Variants in TBC1D8 observed in about 807,000 individuals in gnomAD.
TBC1D8 encodes TBC1 domain family member 8.
TBC1D8 carries 65 observed loss-of-function variants against 118.8 expected under a neutral mutation model. That is an observed-to-expected ratio of 0.55 (90% CI 0.45 to 0.67). The LOEUF (loss-of-function observed/expected upper bound fraction) is 0.67. Among genes scored for constraint, TBC1D8 ranks in the 30% least tolerant of loss-of-function variants. TBC1D8 has a pLI of 0.00. For synonymous variants in TBC1D8, 566 were observed against 595.8 expected (o/e 0.95, Z 0.73); for missense variants, 1,376 against 1,471.2 (o/e 0.94, Z 1.06).
At position 101,090,164 on chromosome 2, in the gene TBC1D8, C is replaced by T. The variant is rs559661838; in HGVS notation, c.283+45G>A. 13 of 1,576,794 alleles carry T rather than the reference C, an allele frequency of 8.2e-6. No homozygotes were observed. In the African/African-American group the frequency reaches 1.4e-4, roughly 16 times the overall value. ...CACCAACATGCAGATACTCAGCATG[C>T]TTACACCTTAAGGTTTGGAACATTC... On this transcript the variant is annotated intron_variant, in intron 2 of 19. Transcript: ENST00000409318.
chr2:101,056,240 G>C (rs1313951380), intron 3 of TBC1D8, among the ~76,000 whole-genome samples: 3 of 146,956 alleles, frequency 2.0e-5, no homozygotes, highest in African/African-American at 7.6e-5. Context: ...GTCTCGCTCT[G>C]TCGCCCAGGC....
intron 1 of TBC1D8, among the ~76,000 whole-genome samples, chr2:101,104,343 G>A (rs995262199): frequency 4.6e-5 from 7 of 152,110 alleles, no homozygotes; most frequent in African/African-American, 1.7e-4. Context: ...ACACTATTTT[G>A]TAAATATTGA....
In TBC1D8 at chr2:101,054,180, C is replaced by T. The variant is rs1296268082; in HGVS notation, c.559G>A (p.Val187Met). Residue 187 changes from valine to methionine, a missense_variant, in exon 4 of 20, where the codon GTG becomes ATG. Physicochemically the swap from Val to Met is conservative, Grantham distance 21. Transcript: ENST00000409318. Reference protein sequence around the residue: ...YYSCCCWKGRVPRQGWLYLSI... With the variant: ...YYSCCCWKGRMPRQGWLYLSI... ...AGGTACAGCCAGCCCTGGCGGGGCA[C>T]CCTGCCCTTCCAACAGCAGCAGGAG... 2 of 1,613,514 alleles carry T rather than the reference C, an allele frequency of 1.2e-6. No homozygotes were observed. Among genetic ancestry groups the T allele is most frequent in the South Asian group, 2.2e-5 (2 of 90,892 alleles).
At chr2:101,058,528 T>A (rs1427457141) in intron 3 of TBC1D8, among the ~76,000 whole-genome samples, 1 of 152,184 alleles carries the variant, frequency 6.6e-6, no homozygotes, top group Non-Finnish European at 1.5e-5. Context: ...ATGGGGCTTT[T>A]AAAGCACTGA....
intron 5 of TBC1D8, among the ~76,000 whole-genome samples, chr2:101,042,956 C>T (rs547060745): frequency 1.6e-4 from 25 of 152,302 alleles, no homozygotes; most frequent in South Asian, 1.2e-3. Context: ...CCCGGACACA[C>T]GCCTTTTCTG....
At chr2:101,148,882 T>C (rs1183106905) in intron 1 of TBC1D8, among the ~76,000 whole-genome samples, 1 of 152,094 alleles carries the variant, frequency 6.6e-6, no homozygotes, top group Non-Finnish European at 1.5e-5. Flanking sequence ...CACATTAGAA[T>C]TGCACATTTT....
chr2:101,119,018 C>CA (rs932976450), intron 1 of TBC1D8, among the ~76,000 whole-genome samples: 8 of 151,014 alleles, frequency 5.3e-5, no homozygotes, highest in African/African-American at 1.7e-4. Context: ...TCTGCCCCCC[C>CA]AAAAAAAAGA....
At chr2:101,055,497 T>C (rs1419775336) in intron 3 of TBC1D8, among the ~76,000 whole-genome samples, 1 of 152,186 alleles carries the variant, frequency 6.6e-6, no homozygotes, top group African/African-American at 2.4e-5. Flanking sequence ...TTTGTAGCCT[T>C]AAATGGATAT....
At chr2:101,050,871 G>C (rs1403452683) in intron 4 of TBC1D8, among the ~76,000 whole-genome samples, 1 of 152,182 alleles carries the variant, frequency 6.6e-6, no homozygotes, top group Non-Finnish European at 1.5e-5. Flanking sequence ...TGTTAAGCCT[G>C]GTACCCATTA....
chr2:101,125,560 A>C (rs1326077696), intron 1 of TBC1D8, among the ~76,000 whole-genome samples: 1 of 152,224 alleles, frequency 6.6e-6, no homozygotes, highest in Non-Finnish European at 1.5e-5. Flanking sequence ...CCGTGCCCTT[A>C]CTATCAATGA....
In TBC1D8 at chr2:101,037,517, C is replaced by T. The variant is rs768526731; in HGVS notation, c.1452+15G>A. The T allele has an allele frequency of 1.2e-6, 2 of 1,610,230 alleles. No homozygotes were observed. The highest frequency in any genetic ancestry group is 1.7e-6 in the Non-Finnish European group (2 of 1,179,122). ...TCAGCTTTGTGGTCCAGCTTGGGCA[C>T]CAGGCGTCACCCACCATTCGGGAGT... On this transcript the variant is annotated intron_variant, in intron 8 of 19. Transcript: ENST00000409318.
intron 2 of TBC1D8, among the ~76,000 whole-genome samples, chr2:101,088,039 T>C (rs927668380): frequency 6.6e-6 from 1 of 152,252 alleles, no homozygotes; most frequent in African/African-American, 2.4e-5. Flanking sequence ...TTTCAGTTTA[T>C]TTCCTTTTAT....
At chr2:101,135,926 C>G (rs1357435695) in intron 1 of TBC1D8, among the ~76,000 whole-genome samples, 1 of 152,164 alleles carries the variant, frequency 6.6e-6, no homozygotes, top group Non-Finnish European at 1.5e-5. Context: ...GTCACCCTGG[C>G]TTGGTTCACT....
intron 1 of TBC1D8, among the ~76,000 whole-genome samples, chr2:101,108,153 C>T (rs1315589320): frequency 6.6e-6 from 1 of 152,034 alleles, no homozygotes; most frequent in African/African-American, 2.4e-5. Flanking sequence ...GGCACTTTAT[C>T]CCTGTGGTCT....
At chr2:101,012,943 G>A (rs1350454890) in intron 17 of TBC1D8, among the ~76,000 whole-genome samples, 1 of 152,220 alleles carries the variant, frequency 6.6e-6, no homozygotes, top group African/African-American at 2.4e-5. Context: ...TGAACAGGAG[G>A]AAAATTGCAA....
intron 2 of TBC1D8, among the ~76,000 whole-genome samples, chr2:101,067,690 A>G (rs1051236707): frequency 1.1e-4 from 16 of 152,282 alleles, no homozygotes; most frequent in African/African-American, 3.9e-4. Context: ...CTTAATGTTG[A>G]TGGCTGCTGA....
intron 15 of TBC1D8, among the ~76,000 whole-genome samples, chr2:101,023,252 C>T (rs1680149842): frequency 6.6e-6 from 1 of 151,984 alleles, no homozygotes; most frequent in South Asian, 2.1e-4. Flanking sequence ...TCAAACCAGT[C>T]TCATGCCTCA....
At chr2:101,024,428 CAG>C (rs1403094081) in intron 15 of TBC1D8, among the ~76,000 whole-genome samples, 2 of 109,280 alleles carry the variant, frequency 1.8e-5, no homozygotes, top group African/African-American at 7.3e-5. Flanking sequence ...TTTTTTGAGA[CAG>C]AGTCTCACTC....
intron 1 of TBC1D8, among the ~76,000 whole-genome samples, chr2:101,146,488 A>G (rs539213092): frequency 6.6e-6 from 1 of 152,324 alleles, no homozygotes; most frequent in South Asian, 2.1e-4. Context: ...TTATACAGGA[A>G]TACACGCAAT....
Sources: allele counts gnomAD v4.1 joint callset (sites outside exome capture counted in the v4.1 genomes callset), GRCh38; gene constraint gnomAD v4.1.1; transcripts MANE v1.5; gene names NCBI Gene and HGNC (gene_info 2026-07-23, HGNC 2026-07-21).